Variants in PSCA observed in about 807,000 individuals in gnomAD.
PSCA encodes the protein prostate stem cell antigen.
A neutral mutation model predicts 7.9 loss-of-function variants in PSCA; 7 were observed. That is an observed-to-expected ratio of 0.89 (90% CI 0.51 to 1.67). The LOEUF is 1.67. Ranked by LOEUF, PSCA falls within the 40% of genes most tolerant of loss-of-function variation. The pLI, the probability that PSCA is intolerant of heterozygous loss-of-function variation, is 0.00. For synonymous variants in PSCA, 61 were observed against 68.3 expected (o/e 0.89, Z 0.53); for missense variants, 151 against 147.9 (o/e 1.02, Z -0.11).
At position 142,682,073 on chromosome 8, in the gene PSCA, G is replaced by C. The variant is rs781934108; in HGVS notation, c.286G>C (p.Ala96Pro). 1 of 1,608,148 alleles carries C rather than the reference G, an allele frequency of 6.2e-7. No homozygotes were observed. Among genetic ancestry groups the C allele is most frequent in the Admixed American group, 1.7e-5 (1 of 59,970 alleles). Reference sequence around the variant, plus strand: ...GGCCCATGCCCTGCAGCCGGCTGCTGCCATCCTTGCGCTGCTCCCTGCACT... The same window carrying C: ...GGCCCATGCCCTGCAGCCGGCTGCTCCCATCCTTGCGCTGCTCCCTGCACT... ...SGAHALQPAA[A>P]ILALLPALGL... The change falls in exon 3 of 3, where the codon GCC becomes CCC. Residue 96 changes from alanine to proline, a missense_variant. Physicochemically the swap from Ala to Pro is conservative, Grantham distance 27. Transcript: ENST00000301258.
At chr8:142,678,319 G>C (rs1847421641), upstream of PSCA, among the ~76,000 whole-genome samples, 1 of 152,206 alleles carries the variant, frequency 6.6e-6, no homozygotes, top group Non-Finnish European at 1.5e-5. Flanking sequence ...TCTCCCTCCA[G>C]ACACACACTC....
rs782297909 is a variant in PSCA, at chr8:142,682,079, C to G, written c.292C>G (p.Leu98Val). The change falls in exon 3 of 3, where the codon CTT becomes GTT. Residue 98 changes from leucine to valine, a missense_variant. Physicochemically the swap from Leu to Val is conservative, Grantham distance 32. Coordinates refer to ENST00000301258, the MANE Select transcript of PSCA (RefSeq NM_005672.5). ...AHALQPAAAI[L>V]ALLPALGLLL... ...TGCCCTGCAGCCGGCTGCTGCCATC[C>G]TTGCGCTGCTCCCTGCACTCGGCCT... is the stretch of plus-strand genomic sequence containing the variant. 1 of 1,607,600 alleles carries G rather than the reference C, an allele frequency of 6.2e-7. No homozygotes were observed. The highest frequency in any genetic ancestry group is 8.5e-7 in the Non-Finnish European group (1 of 1,179,660).
At chr8:142,681,750 G>A (rs959047540) in intron 2 of PSCA, 171 bp from the exon 3 acceptor site, 2 of 622,558 alleles carry the variant, frequency 3.2e-6, no homozygotes, top group Non-Finnish European at 5.6e-6. Context: ...TCGGACATCT[G>A]GATAGGGCTG....
Position 142,682,254 on chromosome 8 carries a change from C to A in PSCA, c.*122C>A. The stretch of plus-strand genomic sequence containing the variant: ...TCCTGAGGCACATCCTAACGCAAGT[C>A]TGACCATGTATGTCTGCGCCCCTGT... On this transcript the variant is annotated 3_prime_UTR_variant, in exon 3 of 3. Transcript: ENST00000301258. 1 of 1,242,186 alleles carries A rather than the reference C, an allele frequency of 8.1e-7. No individual in the cohort carries two copies. Among genetic ancestry groups the A allele is most frequent in the Non-Finnish European group, 1.1e-6 (1 of 878,504 alleles). 76.9% of individuals were successfully genotyped at this position (1,242,186 alleles called of 1,614,324 possible). A position where few individuals can be genotyped will look rare whatever the true frequency, so the allele number is the denominator to read the frequency against.
upstream of PSCA, among the ~76,000 whole-genome samples, chr8:142,677,253 AC>A (rs1554637899): frequency 6.6e-6 from 1 of 152,194 alleles, no homozygotes. Flanking sequence ...AGCCATGACC[AC>A]GGGGCCATCC....
At chr8:142,674,704 A>G (rs1847377203) in intron 1 of PSCA, among the ~76,000 whole-genome samples, 1 of 152,184 alleles carries the variant, frequency 6.6e-6, no homozygotes, top group African/African-American at 2.4e-5. Context: ...CCAAGTTCGC[A>G]GAGCAGAGCC....
At chr8:142,680,915 T>C in intron 1 of PSCA, 2 of 493,088 alleles carry the variant, frequency 4.1e-6, no homozygotes, top group Non-Finnish European at 7.4e-6. Flanking sequence ...AGCCTCAGGC[T>C]AAGAAGTGGT....
At chr8:142,672,712 T>C (rs1239682788) in intron 1 of PSCA, among the ~76,000 whole-genome samples, 2 of 152,122 alleles carry the variant, frequency 1.3e-5, no homozygotes, top group Non-Finnish European at 2.9e-5. Flanking sequence ...GAAAGTTTAA[T>C]AGACAGAAGA....
Position 142,681,484 on chromosome 8 carries a change from A to G in PSCA, c.133+50A>G, listed in dbSNP as rs1554638345. On this transcript the variant is annotated intron_variant, in intron 2 of 2. Coordinates refer to ENST00000301258, the MANE Select transcript of PSCA (RefSeq NM_005672.5). ...AGGCCTAGGTCTCTGCCACTGAACTATTAATCTTTCTGGCCATCTGTCCGC... is the reference window on the plus strand; with the variant it reads ...AGGCCTAGGTCTCTGCCACTGAACTGTTAATCTTTCTGGCCATCTGTCCGC... 8.7e-6 allele frequency: 13 copies of G among 1,486,528 alleles called. No homozygotes were observed. In the African/African-American group the frequency reaches 1.1e-4, roughly 13 times the overall value. 92.1% of individuals were successfully genotyped at this position (1,486,528 alleles called of 1,614,324 possible). A position where few individuals can be genotyped will look rare whatever the true frequency, so the allele number is the denominator to read the frequency against.
intron 1 of PSCA, among the ~76,000 whole-genome samples, chr8:142,671,451 C>A (rs1354771269): frequency 1.3e-5 from 2 of 152,186 alleles, no homozygotes; most frequent in African/African-American, 2.4e-5. Flanking sequence ...GACTTCTGAA[C>A]CCAGAGCTGT....
In PSCA at chr8:142,680,516, A is replaced by G. The variant is rs1394311286; in HGVS notation, c.-23A>G. 1.3e-6 allele frequency: 2 copies of G among 1,553,202 alleles called. No homozygotes were observed. The highest frequency in any genetic ancestry group is 1.7e-6 in the Non-Finnish European group (2 of 1,147,904). On this transcript the variant is annotated 5_prime_UTR_variant, in exon 1 of 3. Transcript: ENST00000301258. ...CACCACAGCCCACCAGTGACCACGA[A>G]GGCTGTGCTGCTTGCCCTGTTGATG...
upstream of PSCA, chr8:142,680,275 A>C (rs1847445886): frequency 1.9e-6 from 1 of 530,412 alleles, no homozygotes; most frequent in African/African-American, 1.9e-5. Flanking sequence ...TTCAGCCCTC[A>C]GCCCGGGGTG....
In PSCA at chr8:142,673,188, G is replaced by A. The variant is rs1238369407; in HGVS notation, n.261+2620G>A. On this transcript the variant is annotated intron_variant and non_coding_transcript_variant, in intron 1 of 1. Transcript: ENST00000505305. The surrounding 1 kb of genome is among the most constrained non-coding windows in gnomAD (Gnocchi z 4.6). ...TTCATTAAAAGGAAAACCTTACTGA[G>A]GACTTCCTTACCCTCACTATCTGCC... Among the ~76,000 whole-genome samples the A allele has an allele frequency of 1.3e-5, 2 of 152,152 alleles. No individual in the cohort carries two copies. The highest frequency in any genetic ancestry group is 4.8e-5 in the African/African-American group (2 of 41,408).
intron 2 of PSCA, 50 bp from the exon 3 acceptor site, chr8:142,681,871 G>A (rs1554638395): frequency 7.3e-7 from 1 of 1,366,084 alleles, no homozygotes; most frequent in Admixed American, 2.2e-5. Context: ...GGCAGGTCAG[G>A]CAGGTGAGCA....
chr8:142,676,739 C>A (rs1034806156), upstream of PSCA: 1 of 152,206 alleles, frequency 6.6e-6, no homozygotes, highest in Admixed American at 6.5e-5. Context: ...AAGATACAGC[C>A]GATTTATCAA....
Position 142,681,944 on chromosome 8 carries a change from A to G in PSCA, c.157A>G (p.Ile53Val). 6.4e-7 allele frequency: 1 copy of G among 1,569,642 alleles called. No homozygotes were observed. The highest frequency in any genetic ancestry group is 1.2e-5 in the South Asian group (1 of 85,552). Residue 53 changes from isoleucine to valine, a missense_variant, in exon 3 of 3, where the codon ATC becomes GTC. Ile to Val is a conservative substitution (Grantham distance 29). Coordinates refer to ENST00000301258, the MANE Select transcript of PSCA (RefSeq NM_005672.5). Reference protein sequence around the residue: ...RIRAVGLLTVISKGCSLNCVD... With the variant: ...RIRAVGLLTVVSKGCSLNCVD... ...AGGCGCAGTTGGCCTCCTGACCGTC[A>G]TCAGCAAAGGCTGCAGCTTGAACTG...
At chr8:142,670,562 G>C (rs1429942057) in exon 1 of PSCA, 6 of 152,260 alleles carry the variant, frequency 3.9e-5, no homozygotes, top group African/African-American at 1.4e-4. Flanking sequence ...AACTGGGTGC[G>C]ACTTAAGTGA....
chr8:142,679,014 AC>A (rs1554638064), upstream of PSCA, among the ~76,000 whole-genome samples: 1 of 145,194 alleles, frequency 6.9e-6, no homozygotes. Context: ...AGCCACTGCC[AC>A]CACCGCCCAG....
exon 1 of PSCA, chr8:142,670,427 G>A (rs1263821823): frequency 1.3e-5 from 2 of 152,334 alleles, no homozygotes; most frequent in African/African-American, 2.4e-5. Context: ...CTGATGCGGG[G>A]AGGGCAGTGC....
Sources: gnomAD v4.1 joint callset for allele counts (sites outside exome capture counted in the v4.1 genomes callset) on GRCh38, gnomAD v4.1.1 for gene constraint, Gnocchi (gnomAD v3.1) non-coding constraint, MANE v1.5 for transcripts, NCBI Gene and HGNC (gene_info 2026-07-23, HGNC 2026-07-21) for gene names.